The following COL24A1 variants were observed in gnomAD, a reference collection of about 807,000 sequenced individuals.
The protein encoded by COL24A1 is collagen alpha-1(XXIV) chain.
A neutral mutation model predicts 253.9 loss-of-function variants in COL24A1; 224 were observed. The ratio of observed to expected loss-of-function variants is 0.88; its 90% CI spans 0.79 to 0.99. The LOEUF is 0.99. Among genes scored for constraint, COL24A1 ranks in the 50% least tolerant of loss-of-function variants. The pLI is 0.00. For synonymous variants in COL24A1, 685 were observed against 673.7 expected, an observed-to-expected ratio of 1.02 and a Z score of -0.26; for missense variants, 2,131 against 2,068.5, an observed-to-expected ratio of 1.03 and a Z score of -0.59.
chr1:85,888,896 TA>T (rs1191647749), intron 32 of COL24A1, among the ~76,000 whole-genome samples: 2 of 152,120 alleles, frequency 1.3e-5, no homozygotes, highest in African/African-American at 4.8e-5. Flanking sequence ...TGAAAGACTA[TA>T]TTGTATTGTA....
intron 1 of COL24A1, among the ~76,000 whole-genome samples, chr1:86,147,975 T>TA (rs2102428358): frequency 6.6e-6 from 1 of 152,286 alleles, no homozygotes; most frequent in South Asian, 2.1e-4. Context: ...CCAGAATTTC[T>TA]AACTAAGTAT....
chr1:85,943,519 T>C (rs1245297958), intron 24 of COL24A1, among the ~76,000 whole-genome samples: 1 of 152,210 alleles, frequency 6.6e-6, no homozygotes, highest in Non-Finnish European at 1.5e-5. Flanking sequence ...TGTGAAATTG[T>C]TCTCCCACCA....
At chr1:85,736,587 T>C in intron 58 of COL24A1, 3 of 435,480 alleles carry the variant, frequency 6.9e-6, no homozygotes, top group Non-Finnish European at 1.4e-5. Context: ...TGGAATGCCC[T>C]GGTTAATGAA....
At chr1:86,073,613 C>G (rs932557313) in intron 7 of COL24A1, among the ~76,000 whole-genome samples, 4 of 152,120 alleles carry the variant, frequency 2.6e-5, no homozygotes, top group African/African-American at 7.2e-5. Flanking sequence ...TCAGGAAATA[C>G]AGAGAACACC....
At chr1:86,045,475 T>C (rs1699828304) in intron 12 of COL24A1, among the ~76,000 whole-genome samples, 1 of 152,178 alleles carries the variant, frequency 6.6e-6, no homozygotes. Flanking sequence ...CTATTGTTAA[T>C]TTTTAGAATT....
intron 1 of COL24A1, chr1:86,154,746 G>C (rs2102475899): frequency 6.5e-6 from 1 of 153,000 alleles, no homozygotes; most frequent in Middle Eastern, 3.4e-3. Context: ...CACCAGCGTG[G>C]GCCTCGCGCG....
At chr1:86,068,689 C>T (rs1167304168) in intron 7 of COL24A1, among the ~76,000 whole-genome samples, 2 of 152,112 alleles carry the variant, frequency 1.3e-5, no homozygotes, top group East Asian at 3.9e-4. Context: ...CCAGGCAGTG[C>T]AGCTCATAAC....
At chr1:85,987,577 T>A (rs370056146) in intron 20 of COL24A1, 24 bp downstream of exon 20, 7 of 1,592,934 alleles carry the variant, frequency 4.4e-6, no homozygotes, top group Admixed American at 3.4e-5. Context: ...AATTGTTTAG[T>A]CTCTCTCTTC....
chr1:86,002,895 C>T (rs1043293799), intron 19 of COL24A1, among the ~76,000 whole-genome samples: 1 of 152,102 alleles, frequency 6.6e-6, no homozygotes. Context: ...CATTCTATAC[C>T]TAGGAATACT....
At chr1:85,933,728 G>C (rs1194387070) in intron 24 of COL24A1, among the ~76,000 whole-genome samples, 1 of 152,100 alleles carries the variant, frequency 6.6e-6, no homozygotes, top group Non-Finnish European at 1.5e-5. Flanking sequence ...TTGTAAAGTT[G>C]TCAAAGGCAA....
intron 3 of COL24A1, among the ~76,000 whole-genome samples, chr1:86,117,053 TAGG>T (rs796823434): frequency 8.5e-5 from 13 of 152,316 alleles, no homozygotes; most frequent in African/African-American, 2.6e-4. Context: ...TAAGAGCCAG[TAGG>T]AGAAATCGCA....
At chr1:85,933,212 A>T (rs1687951228) in intron 24 of COL24A1, among the ~76,000 whole-genome samples, 1 of 152,176 alleles carries the variant, frequency 6.6e-6, no homozygotes, top group African/African-American at 2.4e-5. Context: ...GAGGCATGAA[A>T]ACTGCTAAAG....
At chr1:86,020,285 C>A (rs1291255542) in intron 18 of COL24A1, among the ~76,000 whole-genome samples, 1 of 151,912 alleles carries the variant, frequency 6.6e-6, no homozygotes, top group Non-Finnish European at 1.5e-5. Flanking sequence ...TCAGGGTGGT[C>A]TCGAACTCCT....
intron 24 of COL24A1, among the ~76,000 whole-genome samples, chr1:85,952,331 A>T (rs75650273): frequency 0.025 from 3,856 of 152,282 alleles, 159 homozygotes; most frequent in African/African-American, 0.086. Flanking sequence ...TTGTTAAGGA[A>T]AAAAAATGAT....
intron 47 of COL24A1, among the ~76,000 whole-genome samples, chr1:85,791,558 A>G (rs997251843): frequency 1.3e-5 from 2 of 152,176 alleles, no homozygotes; most frequent in Non-Finnish European, 2.9e-5. Flanking sequence ...GCACTTGAGG[A>G]GTTTCCACCT....
intron 24 of COL24A1, chr1:85,960,907 A>C (rs1478961258): frequency 2.3e-5 from 4 of 175,282 alleles, no homozygotes; most frequent in Non-Finnish European, 4.6e-5. Context: ...ATAAATAAAT[A>C]AATAAATAAA....
In COL24A1 at chr1:85,742,792, A is replaced by G. The variant is rs1570419146; in HGVS notation, c.4672+1874T>C. Among the ~76,000 whole-genome samples the G allele has an allele frequency of 2.0e-5, 3 of 152,308 alleles. No homozygotes were observed. In the South Asian group the frequency reaches 6.2e-4, roughly 32 times the overall value. On this transcript the variant is annotated intron_variant, in intron 57 of 59. Coordinates refer to ENST00000370571, the MANE Select transcript of COL24A1 (RefSeq NM_152890.7). ...CAACAAAAACTGCTGGCTCTACCTT[A>G]ACCCATTTATTCCTGAGGTTGTAAT...
At chr1:85,743,405 C>T (rs539445913) in intron 57 of COL24A1, among the ~76,000 whole-genome samples, 10 of 152,096 alleles carry the variant, frequency 6.6e-5, no homozygotes, top group Non-Finnish European at 1.3e-4. Flanking sequence ...CTGATATCAC[C>T]CAAGTGTCAC....
intron 24 of COL24A1, among the ~76,000 whole-genome samples, chr1:85,955,683 T>G (rs1213426494): frequency 6.6e-6 from 1 of 152,254 alleles, no homozygotes; most frequent in Non-Finnish European, 1.5e-5. Flanking sequence ...TTTTCCCATT[T>G]CATTATTAAT....
Sources: gnomAD v4.1 joint callset for allele counts (sites outside exome capture counted in the v4.1 genomes callset) on GRCh38, gnomAD v4.1.1 for gene constraint, MANE v1.5 for transcripts, NCBI Gene and HGNC (gene_info 2026-07-23, HGNC 2026-07-21) for gene names.